Variants in C15orf39 observed in about 807,000 individuals in gnomAD.
The protein encoded by C15orf39 is PRMT2 interacting protein.
In C15orf39, 24 loss-of-function variants were observed where a neutral mutation model predicts 53.9. That is an observed-to-expected ratio of 0.45 (90% CI 0.32 to 0.63). The LOEUF is 0.63. Ranked by LOEUF, C15orf39 falls within the 20% of genes least tolerant of loss-of-function variation. C15orf39 has a pLI of 0.04. For synonymous variants in C15orf39, 569 were observed against 576.5 expected, an observed-to-expected ratio of 0.99 and a Z score of 0.19; for missense variants, 1,271 against 1,347.9, an observed-to-expected ratio of 0.94 and a Z score of 0.89.
At chr15:75,209,839 G>A (rs547262444) in intron 2 of C15orf39, among the ~76,000 whole-genome samples, 157 of 152,342 alleles carry the variant, frequency 1.0e-3, no homozygotes, top group Non-Finnish European at 1.7e-3. Context: ...GATGGGGAAG[G>A]GCCTGTGGCA....
At chr15:75,199,096 G>A (rs2070387198), upstream of C15orf39, 1 of 152,246 alleles carries the variant, frequency 6.6e-6, no homozygotes, top group Non-Finnish European at 1.5e-5. Context: ...CTGGAGCCCT[G>A]TAGCAAGTCA....
At position 75,206,327 on chromosome 15, in the gene C15orf39, C is replaced by G. The variant is rs756820384; in HGVS notation, c.279C>G (p.Phe93Leu). The part of the protein sequence containing the change: ...QADNLLTNCL[F>L]YRSPAEGPEK... ...ACAACCTGCTGACCAACTGCCTGTT[C>G]TACCGCTCGCCAGCAGAAGGCCCTG... is the stretch of plus-strand genomic sequence containing the variant. The change falls in exon 2 of 3, where the codon TTC becomes TTG. Residue 93 changes from phenylalanine to leucine, a missense_variant. By Grantham distance (22) the Phe-to-Leu change is conservative (BLOSUM62 0). Transcript: ENST00000394987. The G allele has an allele frequency of 6.2e-7, 1 of 1,614,084 alleles. No homozygotes were observed. The highest frequency in any genetic ancestry group is 8.5e-7 in the Non-Finnish European group (1 of 1,180,002).
intron 1 of C15orf39, 149 bp from the exon 2 acceptor site, chr15:75,205,850 C>T (rs757303738): frequency 5.5e-5 from 32 of 584,074 alleles, no homozygotes; most frequent in East Asian, 8.6e-5. Context: ...ACCTCTGTCA[C>T]GTGGCTCATG....
In C15orf39 at chr15:75,205,988, C is replaced by G; in HGVS notation, c.-50-11C>G. 1.4e-6 allele frequency: 2 copies of G among 1,463,174 alleles called. No individual in the cohort carries two copies. Among genetic ancestry groups the G allele is most frequent in the South Asian group, 1.4e-5 (1 of 72,924 alleles). The allele number at this position is 1,463,174 out of a possible 1,614,324, so 90.6% of individuals were successfully genotyped here. A position where few individuals can be genotyped will look rare whatever the true frequency, so the allele number is the denominator to read the frequency against. The stretch of plus-strand genomic sequence containing the variant: ...TTCCTGACAGCCCCTGCCTTTCTCT[C>G]TCTATCCCAGGTCAGAAGTTGAGTA... On this transcript the variant is annotated splice_polypyrimidine_tract_variant and intron_variant, in intron 1 of 2. Coordinates refer to ENST00000394987, the MANE Select transcript of C15orf39 (RefSeq NM_015492.5).
chr15:75,206,715 AC>A lies in C15orf39; in HGVS notation c.668del (p.Thr223ArgfsTer103). 6.2e-7 allele frequency: 1 copy of A among 1,613,698 alleles called. No homozygotes were observed. The highest frequency in any genetic ancestry group is 8.5e-7 in the Non-Finnish European group (1 of 1,179,930). On this transcript the variant is annotated frameshift_variant, in exon 2 of 3. Transcript: ENST00000394987. LOFTEE classifies it high-confidence loss of function. ...GGAGAAATATCAGACCATCCACAGC[AC>A]GGGCTTCCTGGCCTCCAGGTACACA... ...FLEKYQTIHSTGFLASRYTGP... is the reference protein window; with the variant it reads ...FLEKYQTIHSXGFLASRYTGP...
chr15:75,210,122 G>T (rs1241446993), intron 2 of C15orf39, among the ~76,000 whole-genome samples: 1 of 152,162 alleles, frequency 6.6e-6, no homozygotes, highest in Admixed American at 6.5e-5. Context: ...ACAGTCCGAG[G>T]TGCTCTGACT....
Position 75,211,195 on chromosome 15 carries a change from A to G in C15orf39, c.*79A>G. On this transcript the variant is annotated 3_prime_UTR_variant, in exon 3 of 3. Transcript: ENST00000394987. ...CCTGCCCAGCTGCCCCGGGGCCACG[A>G]GTGGATGCTGGGGCTGTGGCTGCTC... 2 of 1,504,382 alleles carry G rather than the reference A, an allele frequency of 1.3e-6. No homozygotes were observed. The highest frequency in any genetic ancestry group is 8.9e-7 in the Non-Finnish European group (1 of 1,128,054). The allele number at this position is 1,504,382 out of a possible 1,614,324, so 93.2% of individuals were successfully genotyped here.
rs530992073 is a variant in C15orf39, at chr15:75,208,044, G to A, written c.1996G>A (p.Val666Met). The A allele has an allele frequency of 5.5e-5, 88 of 1,614,086 alleles. No homozygotes were observed. The East Asian group carries it at 1.8e-3, about 33-fold the overall frequency. The change falls in exon 2 of 3, where the codon GTG (valine) becomes ATG (methionine). Residue 666 changes from valine (V) to methionine (M), a missense_variant. Coordinates refer to ENST00000394987, the MANE Select transcript of C15orf39 (RefSeq NM_015492.5). Reference sequence around the variant, plus strand: ...CCGTCCGGCACCTTTGCCTGCAGCCGTGGTCCCGTCCACGCCCACCTCAGC... The same window carrying A: ...CCGTCCGGCACCTTTGCCTGCAGCCATGGTCCCGTCCACGCCCACCTCAGC... ...ILRPAPLPAA[V>M]VPSTPTSAPA...
At chr15:75,209,640 G>A (rs1275774025) in intron 2 of C15orf39, 1 of 152,194 alleles carries the variant, frequency 6.6e-6, no homozygotes, top group Non-Finnish European at 1.5e-5. Flanking sequence ...GGACCAAGTG[G>A]ATTCTGTTAT....
upstream of C15orf39, among the ~76,000 whole-genome samples, chr15:75,201,566 C>T (rs369389549): frequency 1.3e-5 from 2 of 152,358 alleles, no homozygotes; most frequent in Admixed American, 6.5e-5. The surrounding 1 kb of genome is among the most constrained non-coding windows in gnomAD (Gnocchi z 4.7). Flanking sequence ...TCCACTTTTG[C>T]AAATAAGGAA....
chr15:75,206,858 AC>A lies in C15orf39; in HGVS notation c.812del (p.Pro271HisfsTer55), dbSNP rs2141598675. ...CQDTGPTHYP[P>X]PHHPPPHPPQ... Reference sequence around the variant, plus strand: ...AGGACACCGGGCCCACCCACTACCCACCACCCCACCACCCACCACCCCACCC... The same window carrying A: ...AGGACACCGGGCCCACCCACTACCCACACCCCACCACCCACCACCCCACCC... On this transcript the variant is annotated frameshift_variant, in exon 2 of 3. Transcript: ENST00000394987. LOFTEE classifies it high-confidence loss of function. 2.2e-5 allele frequency: 5 copies of A among 232,164 alleles called. No individual in the cohort carries two copies. The highest frequency in any genetic ancestry group is 3.0e-5 in the Non-Finnish European group (5 of 167,744). The allele number at this position is 232,164 out of a possible 1,614,324, so 14.4% of individuals were successfully genotyped here.
Position 75,206,260 on chromosome 15 carries a change from C to A in C15orf39, c.212C>A (p.Pro71His), listed in dbSNP as rs780917995. 2 of 1,614,102 alleles carry A rather than the reference C, an allele frequency of 1.2e-6. No homozygotes were observed. The highest frequency in any genetic ancestry group is 2.2e-5 in the South Asian group (2 of 91,082). Residue 71 changes from proline (P) to histidine (H), a missense_variant, in exon 2 of 3, where the codon CCC becomes CAC. By Grantham distance (77) the Pro-to-His change is moderately conservative. Coordinates refer to ENST00000394987, the MANE Select transcript of C15orf39 (RefSeq NM_015492.5). ...EQLASWTPYP[P>H]LYSTGMAGPP... ...TTGGCGTCCTGGACCCCATACCCAC[C>A]CTTGTACTCTACCGGTATGGCAGGA... is the stretch of plus-strand genomic sequence containing the variant.
chr15:75,207,153 T>C lies in C15orf39; in HGVS notation c.1105T>C (p.Leu369=), dbSNP rs746613206. 2.5e-6 allele frequency: 4 copies of C among 1,613,818 alleles called. No individual in the cohort carries two copies. The highest frequency in any genetic ancestry group is 1.7e-5 in the Admixed American group (1 of 59,998). The change falls in exon 2 of 3, where the codon TTG becomes CTG. Residue 369 remains leucine, a synonymous_variant. Coordinates refer to ENST00000394987, the MANE Select transcript of C15orf39 (RefSeq NM_015492.5). Reference sequence around the variant, plus strand: ...GCCGCCTCTCACTCCACGGTGCCCATTGGACTTTGCCCCCCAGACACTGAG... The same window carrying C: ...GCCGCCTCTCACTCCACGGTGCCCACTGGACTTTGCCCCCCAGACACTGAG... ...LEPPLTPRCP[L]DFAPQTLSFP...
Position 75,207,603 on chromosome 15 carries a change from C to T in C15orf39, c.1555C>T (p.Pro519Ser). 5 of 1,611,658 alleles carry T rather than the reference C, an allele frequency of 3.1e-6. No individual in the cohort carries two copies. The highest frequency in any genetic ancestry group is 2.2e-5 in the East Asian group (1 of 44,872). Residue 519 changes from proline to serine, a missense_variant, in exon 2 of 3, where the codon CCG (proline) becomes TCG (serine). By Grantham distance (74) the Pro-to-Ser change is moderately conservative. Coordinates refer to ENST00000394987, the MANE Select transcript of C15orf39 (RefSeq NM_015492.5). Reference protein sequence around the residue: ...LAPYRDYLDVPAPEATTEPDS... With the variant: ...LAPYRDYLDVSAPEATTEPDS... Reference sequence around the variant, plus strand: ...CCCCTACCGTGACTATCTGGATGTGCCGGCACCCGAGGCCACAACTGAGCC... The same window carrying T: ...CCCCTACCGTGACTATCTGGATGTGTCGGCACCCGAGGCCACAACTGAGCC...
Position 75,206,717 on chromosome 15 carries a change from G to A in C15orf39, c.669G>A (p.Thr223=), listed in dbSNP as rs1031646750. The A allele has an allele frequency of 1.1e-5, 17 of 1,613,534 alleles. No homozygotes were observed. In the African/African-American group the frequency reaches 1.5e-4, roughly 14 times the overall value. Residue 223 remains threonine (T), a synonymous_variant, in exon 2 of 3, where the codon ACG becomes ACA. Coordinates refer to ENST00000394987, the MANE Select transcript of C15orf39 (RefSeq NM_015492.5). The part of the protein sequence containing the change: ...FLEKYQTIHS[T]GFLASRYTGP... ...AGAAATATCAGACCATCCACAGCAC[G>A]GGCTTCCTGGCCTCCAGGTACACAG...
At position 75,208,703 on chromosome 15, in the gene C15orf39, G is replaced by T; in HGVS notation, c.2655G>T (p.Arg885=). Residue 885 remains arginine, a synonymous_variant, in exon 2 of 3, where the codon CGG becomes CGT. Transcript: ENST00000394987. The part of the protein sequence containing the change: ...PTTLSEERAL[R]ELALPGCTSR... The stretch of plus-strand genomic sequence containing the variant: ...CGCTGTCGGAGGAGCGGGCACTGCG[G>T]GAGCTCGCCCTGCCAGGCTGCACCT... The T allele has an allele frequency of 6.2e-7, 1 of 1,607,404 alleles. No individual in the cohort carries two copies.
chr15:75,210,926 G>C lies in C15orf39; in HGVS notation c.2954G>C (p.Cys985Ser), dbSNP rs1258891552. ...GAGGCAGCTGCTGGGGAAGAGTCCT[G>C]TGGTGCCTCCCCTACCCCTGCTACC... ...KAEAAAGEES[C>S]GASPTPATSA... Residue 985 changes from cysteine to serine, a missense_variant, in exon 3 of 3, where the codon TGT becomes TCT. Physicochemically the swap from Cys to Ser is moderately radical, Grantham distance 112. Coordinates refer to ENST00000394987, the MANE Select transcript of C15orf39 (RefSeq NM_015492.5). 2 of 1,613,398 alleles carry C rather than the reference G, an allele frequency of 1.2e-6. No individual in the cohort carries two copies. Among genetic ancestry groups the C allele is most frequent in the Non-Finnish European group, 1.7e-6 (2 of 1,180,000 alleles).
chr15:75,210,844 G>A lies in C15orf39; in HGVS notation c.2872G>A (p.Ala958Thr). 1 of 1,613,856 alleles carries A rather than the reference G, an allele frequency of 6.2e-7. No individual in the cohort carries two copies. Residue 958 changes from alanine to threonine, a missense_variant, in exon 3 of 3, where the codon GCC becomes ACC. Transcript: ENST00000394987. ...CCTAGCCCTGGCTCAGAAGTCACCG[G>A]CCCCCAAGGTCAGGAAGCCAGGCAG... is the stretch of plus-strand genomic sequence containing the variant. The part of the protein sequence containing the change: ...ESLALAQKSP[A>T]PKVRKPGRKP...
chr15:75,208,090 C>T lies in C15orf39; in HGVS notation c.2042C>T (p.Ala681Val), dbSNP rs759689971. 2 of 1,614,126 alleles carry T rather than the reference C, an allele frequency of 1.2e-6. No homozygotes were observed. The highest frequency in any genetic ancestry group is 1.3e-5 in the African/African-American group (1 of 75,044). ...PTSAPAPTQPAPTPTSGPIGL... is the reference protein window; with the variant it reads ...PTSAPAPTQPVPTPTSGPIGL... Reference sequence around the variant, plus strand: ...TCAGCTCCTGCTCCCACACAGCCTGCACCCACCCCCACATCTGGGCCCATT... The same window carrying T: ...TCAGCTCCTGCTCCCACACAGCCTGTACCCACCCCCACATCTGGGCCCATT... Residue 681 changes from alanine (A) to valine (V), a missense_variant, in exon 2 of 3, where the codon GCA becomes GTA. Ala to Val is a moderately conservative substitution (Grantham distance 64). Around this residue, in one of 2 missense-constraint regions of C15orf39, gnomAD observed 994 missense variants for 993.7 expected, o/e 1.00. Coordinates refer to ENST00000394987, the MANE Select transcript of C15orf39 (RefSeq NM_015492.5).
Sources: gnomAD v4.1 joint callset for allele counts (sites outside exome capture counted in the v4.1 genomes callset) on GRCh38, gnomAD v4.1.1 for gene constraint, gnomAD v4.1.1 regional missense constraint, Gnocchi (gnomAD v3.1) non-coding constraint, MANE v1.5 for transcripts, NCBI Gene and HGNC (gene_info 2026-07-23, HGNC 2026-07-21) for gene names.